The following WT1 variants were observed in gnomAD, a reference collection of about 807,000 sequenced individuals.
The protein encoded by WT1 is WT1 transcription factor.
In WT1, 8 loss-of-function variants were observed where a neutral mutation model predicts 60.8. That is an observed-to-expected ratio of 0.13 (90% CI 0.08 to 0.24). The LOEUF (loss-of-function observed/expected upper bound fraction) is 0.24, where lower values mean the gene tolerates loss of function less well. Among genes scored for constraint, WT1 ranks in the 10% least tolerant of loss-of-function variants. The pLI, the probability that WT1 is intolerant of heterozygous loss-of-function variation, is 1.00. For missense variants in WT1, 568 were observed against 711.8 expected (o/e 0.80, Z 2.30); for synonymous variants, 312 against 297.1 (o/e 1.05, Z -0.52).
At chr11:32,408,230 A>G (rs868355051) in intron 5 of WT1, among the ~76,000 whole-genome samples, 1 of 149,094 alleles carries the variant, frequency 6.7e-6, no homozygotes, top group African/African-American at 2.5e-5. Flanking sequence ...AAAAAAAAAA[A>G]TGCTGGGCGC....
rs1000616968 is a variant in WT1, at chr11:32,393,945, C to T, written c.1265-1190G>A. Among the ~76,000 whole-genome samples the T allele has an allele frequency of 5.9e-5, 9 of 152,136 alleles. No individual in the cohort carries two copies. In the South Asian group the frequency reaches 6.2e-4, roughly 11 times the overall value. ...TCTCTCTCTGTTGCCCAGACTAAAG[C>T]GCAGTGGTGTGAGCCTAGCTCACTG... On this transcript the variant is annotated intron_variant, in intron 7 of 9. Coordinates refer to ENST00000452863, the MANE Select transcript of WT1 (RefSeq NM_024426.6).
rs1363378960 is a variant in WT1 at position 32,435,012 on chromosome 11, C to T, written c.349G>A (p.Gly117Ser). Residue 117 changes from glycine (G) to serine (S), a missense_variant, in exon 1 of 10, where the codon GGC becomes AGC. By Grantham distance (56) the Gly-to-Ser change is moderately conservative. This residue lies in a region of WT1 where 523 missense variants were observed against 565.1 expected (regional missense o/e 0.93). Coordinates refer to ENST00000452863, the MANE Select transcript of WT1 (RefSeq NM_024426.6). ...CCCAACGACCCGTAAGCCGAAGCGC[C>T]CGGGGGCGCAAAGTCCAGCACCGGC... 3.4e-6 allele frequency: 5 copies of T among 1,488,448 alleles called. No homozygotes were observed. The South Asian group carries it at 6.6e-5, about 20-fold the overall frequency. 92.2% of individuals were successfully genotyped at this position (1,488,448 alleles called of 1,614,324 possible). A position where few individuals can be genotyped will look rare whatever the true frequency, so the allele number is the denominator to read the frequency against.
intron 1 of WT1, among the ~76,000 whole-genome samples, chr11:32,431,770 G>C (rs1853320975): frequency 6.6e-6 from 1 of 151,924 alleles, no homozygotes; most frequent in African/African-American, 2.4e-5. Flanking sequence ...GGCTACTCAA[G>C]TCCTCACCCC....
At chr11:32,392,915 A>C (rs537736758) in intron 7 of WT1, among the ~76,000 whole-genome samples, 160 bp from the exon 8 acceptor site, 1 of 152,042 alleles carries the variant, frequency 6.6e-6, no homozygotes, top group Non-Finnish European at 1.5e-5. Context: ...GTTACAAATG[A>C]ATGGGAGCTC....
intron 3 of WT1, among the ~76,000 whole-genome samples, chr11:32,423,188 G>T (rs1032704671): frequency 2.6e-4 from 39 of 152,204 alleles, no homozygotes; most frequent in African/African-American, 9.4e-4. Context: ...CTTTTCCCTG[G>T]TACCTTCCCT....
At chr11:32,400,141 C>T (rs1226472089) in intron 5 of WT1, 97 bp from the exon 6 acceptor site, 1 of 1,453,318 alleles carries the variant, frequency 6.9e-7, no homozygotes, top group Non-Finnish European at 9.5e-7. Context: ...GTTTTTAAAG[C>T]TCACAGAACA....
chr11:32,408,803 G>T (rs1852406703), intron 5 of WT1, among the ~76,000 whole-genome samples: 1 of 152,254 alleles, frequency 6.6e-6, no homozygotes, highest in Middle Eastern at 3.4e-3. Flanking sequence ...AGACTTAGGA[G>T]AGGACAACTA....
intron 1 of WT1, chr11:32,430,445 A>AGG (rs1564997507): frequency 2.4e-5 from 33 of 1,349,986 alleles, no homozygotes; most frequent in Middle Eastern, 2.0e-4. Context: ...AGAGAGAGAG[A>AGG]GAGAGGGAGG....
chr11:32,392,972 TAA>T (rs111384963), intron 7 of WT1, among the ~76,000 whole-genome samples: 98 of 134,572 alleles, frequency 7.3e-4, no homozygotes, highest in Non-Finnish European at 9.0e-4. Flanking sequence ...GCTCTGCCAT[TAA>T]AAAAAAAAAA....
intron 4 of WT1, 71 bp downstream of exon 4, chr11:32,417,506 T>C: frequency 7.1e-7 from 1 of 1,399,956 alleles, no homozygotes; most frequent in South Asian, 1.2e-5. Context: ...TCATAAGTTC[T>C]AAGCACCTTT....
chr11:32,417,058 A>G (rs1363901093), intron 4 of WT1, among the ~76,000 whole-genome samples: 2 of 152,092 alleles, frequency 1.3e-5, no homozygotes, highest in Non-Finnish European at 2.9e-5. Context: ...TGCAAAGAGT[A>G]GCTCCTTCTG....
intron 5 of WT1, among the ~76,000 whole-genome samples, chr11:32,406,206 C>A (rs1359242657): frequency 8.6e-5 from 13 of 151,992 alleles, no homozygotes; most frequent in Admixed American, 8.5e-4. Flanking sequence ...TCTGGAAGGT[C>A]ATTTTTCCAC....
At chr11:32,408,720 A>G (rs2132999138) in intron 5 of WT1, among the ~76,000 whole-genome samples, 1 of 152,214 alleles carries the variant, frequency 6.6e-6, no homozygotes, top group South Asian at 2.1e-4. Context: ...TCTACCAGAA[A>G]ACTGACCTGC....
chr11:32,406,628 A>AT (rs35317214), intron 5 of WT1, among the ~76,000 whole-genome samples: 43,417 of 151,158 alleles, frequency 0.29, 7,041 homozygotes, highest in East Asian at 0.67. Context: ...CACCAAAAAA[A>AT]AAATATATAT....
intron 5 of WT1, among the ~76,000 whole-genome samples, chr11:32,411,525 A>T (rs1184427149): frequency 1.3e-5 from 2 of 152,204 alleles, no homozygotes; most frequent in African/African-American, 4.8e-5. Context: ...CATCATTATC[A>T]TCATAGTTTC....
chr11:32,423,341 CA>C (rs1381258948), intron 3 of WT1, among the ~76,000 whole-genome samples: 2 of 152,214 alleles, frequency 1.3e-5, no homozygotes, highest in Non-Finnish European at 2.9e-5. Flanking sequence ...GTGGTAAAGA[CA>C]AAACTGGAGG....
At chr11:32,416,749 A>T (rs1221047254) in intron 4 of WT1, among the ~76,000 whole-genome samples, 1 of 152,212 alleles carries the variant, frequency 6.6e-6, no homozygotes, top group East Asian at 1.9e-4. Flanking sequence ...GGGCTTTGGA[A>T]TCAGATCTGG....
intron 6 of WT1, among the ~76,000 whole-genome samples, chr11:32,398,103 C>A (rs1372291093): frequency 6.6e-6 from 1 of 152,126 alleles, no homozygotes; most frequent in East Asian, 1.9e-4. Context: ...CCTAAACCGT[C>A]GTCAGATTTC....
chr11:32,430,432 CAGAGAGAG>C, intron 1 of WT1: 3 of 1,083,938 alleles, frequency 2.8e-6, no homozygotes, highest in Non-Finnish European at 1.2e-6. Flanking sequence ...GAGACAGACA[CAGAGAGAG>C]AGAGAGAGAG....
Sources: allele counts gnomAD v4.1 joint callset (sites outside exome capture counted in the v4.1 genomes callset), GRCh38; gene constraint gnomAD v4.1.1; regional missense constraint gnomAD v4.1.1; transcripts MANE v1.5; gene names NCBI Gene and HGNC (gene_info 2026-07-23, HGNC 2026-07-21).